The following MARCHF6 variants were observed in gnomAD, a reference collection of about 807,000 sequenced individuals.
MARCHF6 encodes the protein membrane associated ring-CH-type finger 6.
MARCHF6 carries 31 observed loss-of-function variants against 133.7 expected under a neutral mutation model. That is an observed-to-expected ratio of 0.23 (90% confidence interval 0.17 to 0.31). MARCHF6 has a LOEUF of 0.31. Ranked by LOEUF, MARCHF6 falls within the 10% of genes least tolerant of loss-of-function variation. The pLI is 1.00. For missense variants in MARCHF6, 723 were observed against 1,121.6 expected (o/e 0.64, Z 5.08); for synonymous variants, 395 against 402.5 (o/e 0.98, Z 0.22).
chr5:10,419,179 G>A (rs1417156309), intron 22 of MARCHF6, among the ~76,000 whole-genome samples: 2 of 152,174 alleles, frequency 1.3e-5, no homozygotes, highest in Admixed American at 6.5e-5. Context: ...ATGGTTGAAA[G>A]CGATACACAT....
At chr5:10,378,721 T>C (rs754906683) in intron 2 of MARCHF6, 38 bp from the exon 3 acceptor site, 1 of 1,227,828 alleles carries the variant, frequency 8.1e-7, no homozygotes, top group South Asian at 1.3e-5. Context: ...GTTTCTTTGC[T>C]GTAAACACTG....
At position 10,438,924 on chromosome 5, in the gene MARCHF6, C is replaced by T. The variant is rs183672115; in HGVS notation, c.*5240C>T. On this transcript the variant is annotated 3_prime_UTR_variant, in exon 26 of 26. Coordinates refer to ENST00000274140, the MANE Select transcript of MARCHF6 (RefSeq NM_005885.4). Reference sequence around the variant, plus strand: ...TAAGACCACTCATACGTAAACACTACGTAGAGGCCCCTTTTTGCCTCATTT... The same window carrying T: ...TAAGACCACTCATACGTAAACACTATGTAGAGGCCCCTTTTTGCCTCATTT... 13 of 152,330 alleles carry T rather than the reference C, an allele frequency of 8.5e-5. 1 individual carries two copies. Among genetic ancestry groups the T allele is most frequent in the Admixed American group, 2.6e-4 (4 of 15,302 alleles). The allele number at this position is 152,330 out of a possible 1,614,324, so 9.4% of individuals were successfully genotyped here. A position where few individuals can be genotyped will look rare whatever the true frequency, so the allele number is the denominator to read the frequency against.
chr5:10,364,367 C>G (rs1736001806), intron 1 of MARCHF6, among the ~76,000 whole-genome samples: 1 of 152,110 alleles, frequency 6.6e-6, no homozygotes, highest in Non-Finnish European at 1.5e-5. Flanking sequence ...TGTGCAAGTC[C>G]TGGAGTGTGT....
At chr5:10,375,740 A>G (rs1736738905) in intron 1 of MARCHF6, among the ~76,000 whole-genome samples, 1 of 152,008 alleles carries the variant, frequency 6.6e-6, no homozygotes, top group Non-Finnish European at 1.5e-5. Flanking sequence ...CTCTGTATCT[A>G]GCTGCTCTGG....
chr5:10,406,428 CA>C (rs1481601373), intron 16 of MARCHF6, among the ~76,000 whole-genome samples: 1 of 147,808 alleles, frequency 6.8e-6, no homozygotes, highest in African/African-American at 2.5e-5. Context: ...TTTGGTCTGT[CA>C]CCCATGTTAG....
chr5:10,409,958 C>T (rs1213839286), intron 17 of MARCHF6, among the ~76,000 whole-genome samples, 181 bp from the exon 18 acceptor site: 2 of 152,084 alleles, frequency 1.3e-5, no homozygotes, highest in African/African-American at 2.4e-5. Flanking sequence ...TCTTTGGTGA[C>T]CCTTATCAGA....
intron 1 of MARCHF6, among the ~76,000 whole-genome samples, chr5:10,366,622 G>A (rs1261479936): frequency 6.6e-6 from 1 of 152,188 alleles, no homozygotes; most frequent in Non-Finnish European, 1.5e-5. Flanking sequence ...GAAAAAAGGG[G>A]AAGAAAAAGA....
intron 10 of MARCHF6, among the ~76,000 whole-genome samples, chr5:10,400,404 GTTTTC>G (rs1035396770): frequency 3.9e-5 from 6 of 152,068 alleles, no homozygotes; most frequent in African/African-American, 1.4e-4. Flanking sequence ...ACATCAAAGT[GTTTTC>G]TTTGATGTTG....
Position 10,415,498 on chromosome 5 carries a change from C to A in MARCHF6, c.1977C>A (p.Gly659=). ...CTTTTCTATTTTCAGTATTTGCTGG[C>A]CGTTGGTTAATGTCGTTTTGGACGG... ...LICLTLPVFA[G]RWLMSFWTGT... The change falls in exon 21 of 26, where the codon GGC becomes GGA. Residue 659 remains glycine, a synonymous_variant. Coordinates refer to ENST00000274140, the MANE Select transcript of MARCHF6 (RefSeq NM_005885.4). 1 of 1,610,832 alleles carries A rather than the reference C, an allele frequency of 6.2e-7. No homozygotes were observed.
At chr5:10,370,088 T>C (rs536126450) in intron 1 of MARCHF6, among the ~76,000 whole-genome samples, 13 of 137,242 alleles carry the variant, frequency 9.5e-5, no homozygotes, top group East Asian at 8.1e-4. Context: ...AGTATCTTAC[T>C]GTGATTTTTT....
intron 1 of MARCHF6, among the ~76,000 whole-genome samples, chr5:10,356,552 C>A (rs1222687309): frequency 1.3e-5 from 2 of 151,760 alleles, no homozygotes; most frequent in African/African-American, 2.4e-5. Context: ...CGCGCCACCT[C>A]CCTCTGCTAA....
chr5:10,404,499 C>T (rs568489427), intron 15 of MARCHF6, among the ~76,000 whole-genome samples: 15 of 152,214 alleles, frequency 9.9e-5, no homozygotes, highest in Middle Eastern at 3.4e-3. Flanking sequence ...CACTGTGTGC[C>T]GGACACTATA....
chr5:10,380,395 AACTAAG>A (rs2126700208), intron 3 of MARCHF6, among the ~76,000 whole-genome samples: 1 of 152,316 alleles, frequency 6.6e-6, no homozygotes, highest in South Asian at 2.1e-4. Flanking sequence ...ATTCATAGGA[AACTAAG>A]ACTAACTAGT....
chr5:10,375,898 A>G (rs1174327719), intron 1 of MARCHF6, among the ~76,000 whole-genome samples: 1 of 152,130 alleles, frequency 6.6e-6, no homozygotes, highest in Non-Finnish European at 1.5e-5. Flanking sequence ...CACTCTATCT[A>G]GCTGCTCTGG....
At chr5:10,357,115 C>T (rs1266677661) in intron 1 of MARCHF6, among the ~76,000 whole-genome samples, 1 of 152,050 alleles carries the variant, frequency 6.6e-6, no homozygotes, top group East Asian at 1.9e-4. Context: ...AGACCTTAGA[C>T]ATTTGCCCTC....
intron 21 of MARCHF6, 45 bp downstream of exon 21, chr5:10,415,714 T>C: frequency 1.4e-6 from 2 of 1,466,560 alleles, no homozygotes; most frequent in Non-Finnish European, 1.8e-6. Context: ...TTAGGAATAG[T>C]GAATATTTTT....
chr5:10,397,248 TTAAG>T (rs745622052), intron 9 of MARCHF6, 41 bp from the exon 10 acceptor site: 1 of 1,380,372 alleles, frequency 7.2e-7, no homozygotes, highest in South Asian at 1.3e-5. Context: ...TAAACATACA[TTAAG>T]TATGAATTGA....
rs201511868 is a variant in MARCHF6 at position 10,390,444 on chromosome 5, A to G, written c.520A>G (p.Ile174Val). 100 of 1,614,040 alleles carry G rather than the reference A, an allele frequency of 6.2e-5. No homozygotes were observed. The highest frequency in any genetic ancestry group is 1.6e-4 in the African/African-American group (12 of 74,992). The stretch of plus-strand genomic sequence containing the variant: ...GCAGATAGTCCATGGGGGAGCACCA[A>G]TTTGGTTGGAGCATGCTGCCCCACC... Reference protein sequence around the residue: ...REQIVHGGAPIWLEHAAPPFN... With the variant: ...REQIVHGGAPVWLEHAAPPFN... Residue 174 changes from isoleucine (I) to valine (V), a missense_variant, in exon 6 of 26, where the codon ATT (isoleucine) becomes GTT (valine). By Grantham distance (29) the Ile-to-Val change is conservative. Coordinates refer to ENST00000274140, the MANE Select transcript of MARCHF6 (RefSeq NM_005885.4).
In MARCHF6 at chr5:10,394,156, T is replaced by G; in HGVS notation, c.828+13T>G. Reference sequence around the variant, plus strand: ...TACATGGGAAAGAGTAAGACCTTTTTCTGTCAAGTATCCTGGTGTTTTAAT... The same window carrying G: ...TACATGGGAAAGAGTAAGACCTTTTGCTGTCAAGTATCCTGGTGTTTTAAT... On this transcript the variant is annotated intron_variant, in intron 8 of 25. Transcript: ENST00000274140. 1.3e-6 allele frequency: 2 copies of G among 1,527,364 alleles called. No individual in the cohort carries two copies. Among genetic ancestry groups the G allele is most frequent in the South Asian group, 2.6e-5 (2 of 77,498 alleles). 94.6% of individuals were successfully genotyped at this position (1,527,364 alleles called of 1,614,324 possible). A position where few individuals can be genotyped will look rare whatever the true frequency, so the allele number is the denominator to read the frequency against.
Sources: allele counts gnomAD v4.1 joint callset (sites outside exome capture counted in the v4.1 genomes callset), GRCh38; gene constraint gnomAD v4.1.1; transcripts MANE v1.5; gene names NCBI Gene and HGNC (gene_info 2026-07-23, HGNC 2026-07-21).